The following HDAC9 variants were observed in gnomAD, a reference collection of about 807,000 sequenced individuals.
The protein encoded by HDAC9 is histone deacetylase 9.
HDAC9 carries 41 observed loss-of-function variants against 139.4 expected under a neutral mutation model. The ratio of observed to expected loss-of-function variants is 0.29; its 90% CI spans 0.23 to 0.38. HDAC9 has a LOEUF of 0.38. HDAC9 is among the 10% of genes least tolerant of loss of function. The probability of loss-of-function intolerance (pLI) is 1.00; values close to 1 mark genes in which losing one functional copy is unlikely to be tolerated. For missense variants in HDAC9, 1,147 were observed against 1,297.0 expected (o/e 0.88, Z 1.78); for synonymous variants, 517 against 476.2 (o/e 1.09, Z -1.12).
intron 1 of HDAC9, among the ~76,000 whole-genome samples, chr7:18,113,395 C>T (rs1783758640): frequency 6.6e-6 from 1 of 152,160 alleles, no homozygotes; most frequent in African/African-American, 2.4e-5. Flanking sequence ...CGCCTCATTG[C>T]ATTTAAATGC....
At chr7:18,244,137 G>A (rs929891852) in intron 2 of HDAC9, among the ~76,000 whole-genome samples, 1 of 152,000 alleles carries the variant, frequency 6.6e-6, no homozygotes, top group African/African-American at 2.4e-5. Context: ...TCCCAAATAC[G>A]AACAAGTGAA....
chr7:18,915,200 T>A (rs936947024), intron 22 of HDAC9, among the ~76,000 whole-genome samples: 1 of 152,088 alleles, frequency 6.6e-6, no homozygotes, highest in Admixed American at 6.6e-5. Flanking sequence ...AAATCTTCTG[T>A]AAGGATATTT....
At chr7:18,305,035 G>A (rs1798817839) in intron 1 of HDAC9, among the ~76,000 whole-genome samples, 2 of 151,976 alleles carry the variant, frequency 1.3e-5, no homozygotes, top group Non-Finnish European at 2.9e-5. Flanking sequence ...TATAGGATAA[G>A]AAATCAGTTT....
At chr7:18,762,371 C>G (rs922652502) in intron 15 of HDAC9, 94 bp downstream of exon 15, 8 of 1,419,620 alleles carry the variant, frequency 5.6e-6, no homozygotes, top group Admixed American at 2.1e-5. Context: ...GCAAGTAGTG[C>G]AACAAAAAAT....
At chr7:18,153,702 G>C (rs892515061) in intron 1 of HDAC9, among the ~76,000 whole-genome samples, 1 of 152,162 alleles carries the variant, frequency 6.6e-6, no homozygotes, top group Non-Finnish European at 1.5e-5. Context: ...TAGGGTCCCT[G>C]CCTCTAGAAC....
At chr7:18,112,189 C>T (rs950207996) in intron 1 of HDAC9, among the ~76,000 whole-genome samples, 5 of 152,048 alleles carry the variant, frequency 3.3e-5, no homozygotes, top group Non-Finnish European at 7.4e-5. Context: ...GGTGTACTAC[C>T]GCACATTTCT....
chr7:18,839,350 A>G (rs1297309658), intron 21 of HDAC9, among the ~76,000 whole-genome samples: 1 of 151,978 alleles, frequency 6.6e-6, no homozygotes, highest in Admixed American at 6.6e-5. Flanking sequence ...TCCTTTTCTC[A>G]CACCACATTG....
At chr7:18,166,571 G>A (rs1231130834) in intron 2 of HDAC9, among the ~76,000 whole-genome samples, 1 of 152,146 alleles carries the variant, frequency 6.6e-6, no homozygotes, top group Non-Finnish European at 1.5e-5. Context: ...GAAATGCTAA[G>A]TAGTATAAAC....
intron 1 of HDAC9, among the ~76,000 whole-genome samples, chr7:18,427,365 G>C (rs7804740): frequency 0.97 from 148,183 of 152,250 alleles, 72,247 homozygotes; most frequent in East Asian, 1. Context: ...TTCTCTAGAC[G>C]TAAACATTTG....
intron 16 of HDAC9, 96 bp from the exon 17 acceptor site, chr7:18,793,249 C>T: frequency 1.2e-6 from 1 of 807,976 alleles, no homozygotes; most frequent in Admixed American, 2.0e-5. Context: ...CTCTGTCCCT[C>T]TTCCCCTGCG....
At chr7:18,486,343 C>T (rs1025869776) in intron 1 of HDAC9, among the ~76,000 whole-genome samples, 1 of 152,104 alleles carries the variant, frequency 6.6e-6, no homozygotes, top group African/African-American at 2.4e-5. Context: ...TCCACATTTT[C>T]CAGAATATAT....
intron 1 of HDAC9, among the ~76,000 whole-genome samples, chr7:18,401,567 A>G (rs1787545873): frequency 6.6e-6 from 1 of 152,222 alleles, no homozygotes; most frequent in African/African-American, 2.4e-5. Flanking sequence ...GATGGAGAAT[A>G]ACCTCAATGC....
At position 18,234,722 on chromosome 7, in the gene HDAC9, G is replaced by A. The variant is rs143382581; in HGVS notation, c.25+72373G>A. ...TTGCTGACAGCTTGTCAAGTAGTAG[G>A]TTCACAGAGACAGCTGGGATATAGA... is the stretch of plus-strand genomic sequence containing the variant. On this transcript the variant is annotated intron_variant, in intron 2 of 12. Coordinates refer to the HDAC9 transcript ENST00000417496. 4.9e-3 allele frequency among the ~76,000 whole-genome samples: 742 copies of A among 152,300 alleles called. 3 individuals are homozygous for A. The highest frequency in any genetic ancestry group is 0.024 in the Middle Eastern group (7 of 294).
At chr7:18,281,354 C>T (rs1267464952) in intron 2 of HDAC9, among the ~76,000 whole-genome samples, 1 of 152,124 alleles carries the variant, frequency 6.6e-6, no homozygotes. Context: ...GTTTTGCAGC[C>T]AGTCTTCCTG....
chr7:18,550,398 G>A (rs1468336989), intron 2 of HDAC9, among the ~76,000 whole-genome samples: 1 of 152,068 alleles, frequency 6.6e-6, no homozygotes, highest in African/African-American at 2.4e-5. Context: ...TGAGTGTTTA[G>A]TATGTGGCAG....
intron 25 of HDAC9, among the ~76,000 whole-genome samples, chr7:18,988,130 T>C (rs1294688621): frequency 3.3e-5 from 5 of 152,152 alleles, no homozygotes; most frequent in African/African-American, 4.8e-5. Context: ...GCTCTTGCTT[T>C]TCTAGTTCTT....
chr7:18,950,964 G>A (rs1782750819), intron 23 of HDAC9, among the ~76,000 whole-genome samples: 1 of 151,796 alleles, frequency 6.6e-6, no homozygotes, highest in Admixed American at 6.6e-5. Context: ...ATTTGCAAAG[G>A]CTCTGTTTAG....
intron 2 of HDAC9, among the ~76,000 whole-genome samples, chr7:18,205,235 A>T (rs1791418145): frequency 6.6e-6 from 1 of 151,992 alleles, no homozygotes; most frequent in Non-Finnish European, 1.5e-5. Flanking sequence ...ATATAATTAG[A>T]TATTTTACTG....
intron 1 of HDAC9, among the ~76,000 whole-genome samples, chr7:18,477,417 G>A (rs1322658358): frequency 1.3e-5 from 2 of 152,160 alleles, no homozygotes; most frequent in Non-Finnish European, 1.5e-5. Context: ...ATGCGTGTGT[G>A]TGTGTGTGAA....
Sources: gnomAD v4.1 joint callset for allele counts (sites outside exome capture counted in the v4.1 genomes callset) on GRCh38, gnomAD v4.1.1 for gene constraint, MANE v1.5 for transcripts, NCBI Gene and HGNC (gene_info 2026-07-23, HGNC 2026-07-21) for gene names.